GARIN5B: variants seen among roughly 807,000 people sequenced by gnomAD.
GARIN5B encodes the protein Golgi-associated RAB2 interactor protein 5B.
At chr19:55,361,405 C>T in the GARIN5B span, 2 of 1,525,322 alleles carry the variant, frequency 1.3e-6, no homozygotes, top group East Asian at 2.5e-5. Flanking sequence ...GCAGGGCCTG[C>T]TCACCTGCAT....
chr19:55,355,360 C>G, the GARIN5B span: 1 of 1,550,220 alleles, frequency 6.5e-7, no homozygotes, highest in Non-Finnish European at 8.7e-7. Context: ...AGGGAGAAAG[C>G]AAGCCAGAGA....
At chr19:55,358,094 T>C in the GARIN5B span, 1 of 1,386,282 alleles carries the variant, frequency 7.2e-7, no homozygotes. Flanking sequence ...ATCATCTCTG[T>C]CTCATAAACA....
At chr19:55,355,539 C>T in the GARIN5B span, among the ~76,000 whole-genome samples, 2 of 152,156 alleles carry the variant, frequency 1.3e-5, no homozygotes, top group African/African-American at 2.4e-5. Context: ...AAATCCGAGG[C>T]GGAATCAATG....
the GARIN5B span, chr19:55,359,312 G>C: frequency 5.2e-6 from 8 of 1,548,338 alleles, no homozygotes; most frequent in Non-Finnish European, 6.1e-6. Context: ...GGGGGACACA[G>C]CCTTCTGGGG....
the GARIN5B span, chr19:55,360,903 G>A: frequency 1.3e-6 from 2 of 1,543,212 alleles, no homozygotes; most frequent in South Asian, 1.2e-5. Context: ...GTCTGAGTGG[G>A]ACCTGCAGGA....
At chr19:55,361,214 G>A in the GARIN5B span, 75 of 1,551,052 alleles carry the variant, frequency 4.8e-5, no homozygotes, top group South Asian at 5.2e-4. Context: ...CGTCTTATGC[G>A]GAAAGTTGCG....
At chr19:55,358,218 C>T in the GARIN5B span, 1 of 1,548,304 alleles carries the variant, frequency 6.5e-7, no homozygotes, top group Non-Finnish European at 8.7e-7. Context: ...CTCACAGTTT[C>T]AAGTTCTAAG....
At chr19:55,358,382 G>A in the GARIN5B span, 481 of 1,509,492 alleles carry the variant, frequency 3.2e-4, no homozygotes, top group South Asian at 2.1e-3. Context: ...GAGGGGCGAT[G>A]GCCGTAAGTC....
the GARIN5B span, chr19:55,361,230 C>G: frequency 6.4e-7 from 1 of 1,551,116 alleles, no homozygotes; most frequent in Non-Finnish European, 8.7e-7. Context: ...TTGCGCTCAG[C>G]AACCCTGACT....
At chr19:55,355,433 G>T in the GARIN5B span, 1 of 1,379,292 alleles carries the variant, frequency 7.3e-7, no homozygotes, top group Non-Finnish European at 1.0e-6. Flanking sequence ...GCAGATGCCT[G>T]GCTTAGGAGA....
the GARIN5B span, chr19:55,362,813 CA>C: frequency 6.7e-7 from 1 of 1,482,158 alleles, no homozygotes; most frequent in East Asian, 2.5e-5. Flanking sequence ...GATCGTCCCC[CA>C]CACAGTGACT....
the GARIN5B span, among the ~76,000 whole-genome samples, chr19:55,360,341 C>A: frequency 7.6e-5 from 11 of 145,196 alleles, no homozygotes; most frequent in Non-Finnish European, 1.5e-4. Flanking sequence ...GGAGTCCAGA[C>A]CCCCAGCCCC....
At chr19:55,359,013 CCTT>C in the GARIN5B span, 2 of 1,551,220 alleles carry the variant, frequency 1.3e-6, no homozygotes, top group South Asian at 1.2e-5. Context: ...TCCTTGGACT[CCTT>C]CTTGGTCACG....
the GARIN5B span, chr19:55,359,758 G>A: frequency 6.4e-7 from 1 of 1,551,370 alleles, no homozygotes; most frequent in Non-Finnish European, 8.7e-7. Flanking sequence ...GTGTGGAGAG[G>A]CAGGCAGCCG....
At chr19:55,355,323 C>CGGAGTGCTG in the GARIN5B span, 1 of 1,550,230 alleles carries the variant, frequency 6.5e-7, no homozygotes, top group Non-Finnish European at 8.7e-7. Flanking sequence ...TCCGGCCACT[C>CGGAGTGCTG]GGAGTGCTGG....
At chr19:55,355,553 C>T in the GARIN5B span, among the ~76,000 whole-genome samples, 2 of 152,254 alleles carry the variant, frequency 1.3e-5, no homozygotes, top group South Asian at 2.1e-4. Flanking sequence ...ATCAATGAGT[C>T]TTGGCTCTAG....
At chr19:55,361,589 C>CT in the GARIN5B span, among the ~76,000 whole-genome samples, 1 of 147,610 alleles carries the variant, frequency 6.8e-6, no homozygotes, top group Non-Finnish European at 1.5e-5. Context: ...GCTCCTCCGT[C>CT]AGACCCAGGA....
chr19:55,358,588 C>T, the GARIN5B span: 7 of 1,551,256 alleles, frequency 4.5e-6, no homozygotes, highest in Non-Finnish European at 6.1e-6. Context: ...AGGTGTGCGA[C>T]TCTGGCTGCT....
At chr19:55,359,480 G>A in the GARIN5B span, 2 of 1,548,018 alleles carry the variant, frequency 1.3e-6, no homozygotes, top group South Asian at 2.4e-5. Context: ...AGGTACGGCT[G>A]GGGCCTTCTG....
Sources: allele counts gnomAD v4.1 joint callset (sites outside exome capture counted in the v4.1 genomes callset), GRCh38; gene constraint gnomAD v4.1.1; transcripts MANE v1.5; gene names NCBI Gene and HGNC (gene_info 2026-07-23, HGNC 2026-07-21).